The following SMG1 variants were observed in gnomAD, a reference collection of about 807,000 sequenced individuals.
SMG1 encodes SMG1 nonsense mediated mRNA decay associated PI3K related kinase.
A neutral mutation model predicts 419.9 loss-of-function variants in SMG1; 22 were observed. The observed-to-expected ratio is 0.05, with a 90% confidence interval of 0.04 to 0.07. The LOEUF (loss-of-function observed/expected upper bound fraction) is 0.07, where lower values mean the gene tolerates loss of function less well. Ranked by LOEUF, SMG1 falls within the 10% of genes least tolerant of loss-of-function variation. The pLI is 1.00. For synonymous variants in SMG1, 1,538 were observed against 1,553.5 expected, an observed-to-expected ratio of 0.99 and a Z score of 0.23; for missense variants, 3,185 against 4,342.0, an observed-to-expected ratio of 0.73 and a Z score of 7.49.
intron 42 of SMG1, 74 bp from the exon 43 acceptor site, chr16:18,838,763 T>A: frequency 3.1e-6 from 3 of 967,636 alleles, no homozygotes; most frequent in Non-Finnish European, 4.7e-6. Flanking sequence ...CGTGATACTA[T>A]AAAATTTACA....
Position 18,819,597 on chromosome 16 carries a change from C to T in SMG1, c.9799G>A (p.Ala3267Thr), listed in dbSNP as rs1393665465. ...IEQRLKWAGG[A>T]NPALAPVLQD... The stretch of plus-strand genomic sequence containing the variant: ...AGTACAGGGGCCAATGCAGGGTTGG[C>T]ACCACCTGCCCACTTGAGTCGCTGT... The change falls in exon 56 of 63, where the codon GCC (alanine) becomes ACC (threonine). Residue 3267 changes from alanine to threonine, a missense_variant. Around this residue, in one of 27 missense-constraint regions of SMG1, gnomAD observed 737 missense variants for 846.6 expected, o/e 0.87. Transcript: ENST00000446231. 1 of 1,595,184 alleles carries T rather than the reference C, an allele frequency of 6.3e-7. No individual in the cohort carries two copies. The highest frequency in any genetic ancestry group is 8.5e-7 in the Non-Finnish European group (1 of 1,170,272).
At position 18,849,874 on chromosome 16, in the gene SMG1, A is replaced by C. The variant is rs1034840595; in HGVS notation, c.5461+75T>G. On this transcript the variant is annotated intron_variant, in intron 35 of 62. Transcript: ENST00000446231. The stretch of plus-strand genomic sequence containing the variant: ...TTTACACATTCAAATAATAAACATA[A>C]GGAAACCACTTTTTGAAATCTTATA... The C allele has an allele frequency of 2.8e-6, 4 of 1,424,782 alleles. No individual in the cohort carries two copies. In the African/African-American group the frequency reaches 5.7e-5, roughly 20 times the overall value. 88.3% of individuals were successfully genotyped at this position (1,424,782 alleles called of 1,614,324 possible).
At chr16:18,886,329 G>C (rs539409792) in intron 6 of SMG1, among the ~76,000 whole-genome samples, 3 of 152,092 alleles carry the variant, frequency 2.0e-5, no homozygotes, top group South Asian at 2.1e-4. Flanking sequence ...TGCAGGCTCA[G>C]GTTACCATTA....
intron 23 of SMG1, among the ~76,000 whole-genome samples, chr16:18,865,257 A>G (rs559960658): frequency 5.3e-4 from 80 of 152,350 alleles, no homozygotes; most frequent in Admixed American, 1.4e-3. Flanking sequence ...ACTATTAGTC[A>G]TTAATAAATA....
intron 62 of SMG1, 71 bp downstream of exon 62, chr16:18,811,690 G>A: frequency 1.6e-6 from 2 of 1,263,958 alleles, no homozygotes; most frequent in African/African-American, 1.5e-5. Context: ...AAATCGATGA[G>A]AGGGATCTTT....
In SMG1 at chr16:18,896,107, G is replaced by T. The variant is rs12929100; in HGVS notation, c.357C>A (p.Thr119=). The T allele has an allele frequency of 0.36, 575,322 of 1,596,530 alleles. 107,732 individuals are homozygous for T. The highest frequency in any genetic ancestry group is 0.39 in the Non-Finnish European group (452,476 of 1,166,298). Residue 119 remains threonine (T), a synonymous_variant, in exon 3 of 63, where the codon ACC becomes ACA. Transcript: ENST00000446231. Reference sequence around the variant, plus strand: ...AAGCACGACTGCCATGCTGAACACTGGTGAACTCAGGGCTGGTCACATTGT... The same window carrying T: ...AAGCACGACTGCCATGCTGAACACTTGTGAACTCAGGGCTGGTCACATTGT... ...RVNNVTSPEF[T]SVQHGSRALA...
rs2034360624 is a variant in SMG1, at chr16:18,847,918, A to G, written c.5739T>C (p.Asp1913=). The stretch of plus-strand genomic sequence containing the variant: ...CTTCATTTAATCCACTTTTAGGTTC[A>G]TCCTTATTGCTATCCTGAGATGCAG... The part of the protein sequence containing the change: ...SPPASQDSNK[D]EPKSGLNEDQ... Residue 1913 remains aspartate, a synonymous_variant, in exon 37 of 63, where the codon GAT becomes GAC. Coordinates refer to ENST00000446231, the MANE Select transcript of SMG1 (RefSeq NM_015092.5). 6.2e-7 allele frequency: 1 copy of G among 1,614,018 alleles called. No individual in the cohort carries two copies. Among genetic ancestry groups the G allele is most frequent in the East Asian group, 2.2e-5 (1 of 44,872 alleles).
In SMG1 at chr16:18,809,078, T is replaced by G. The variant is rs1009398560; in HGVS notation, c.*491A>C. On this transcript the variant is annotated 3_prime_UTR_variant, in exon 63 of 63. Coordinates refer to ENST00000446231, the MANE Select transcript of SMG1 (RefSeq NM_015092.5). ...TTACTGGTCAACCCAACCAGTACTG[T>G]TGCCAAGCAACAAGTGTTACACGAG... 1.9e-5 allele frequency: 3 copies of G among 160,136 alleles called. No individual in the cohort carries two copies. The highest frequency in any genetic ancestry group is 2.8e-5 in the Non-Finnish European group (2 of 72,186). 9.9% of individuals were successfully genotyped at this position (160,136 alleles called of 1,614,324 possible). A position where few individuals can be genotyped will look rare whatever the true frequency, so the allele number is the denominator to read the frequency against.
At chr16:18,875,188 A>G (rs1157576573) in intron 13 of SMG1, 7 of 152,488 alleles carry the variant, frequency 4.6e-5, no homozygotes, top group Admixed American at 4.6e-4. Flanking sequence ...CAGGTGTGGG[A>G]TTTTCCACTT....
chr16:18,837,164 CAAT>C (rs2033629588), intron 46 of SMG1, 86 bp downstream of exon 46: 2 of 1,189,070 alleles, frequency 1.7e-6, no homozygotes, highest in Non-Finnish European at 2.3e-6. Context: ...TGATTTGTTA[CAAT>C]AATTCTAATC....
At position 18,870,804 on chromosome 16, in the gene SMG1, T is replaced by C; in HGVS notation, c.2387A>G (p.Gln796Arg). ...LSSSLPDDLLQRCVDVCRVQL... is the reference protein window; with the variant it reads ...LSSSLPDDLLRRCVDVCRVQL... ...AGACATGATCTTAATTTCATACCTC[T>C]GTAAAAGATCATCTGGCAAGGAAGA... The change falls in exon 17 of 63, where the codon CAG becomes CGG. Residue 796 changes from glutamine to arginine, a missense_variant. Physicochemically the swap from Gln to Arg is conservative, Grantham distance 43. Coordinates refer to ENST00000446231, the MANE Select transcript of SMG1 (RefSeq NM_015092.5). The C allele has an allele frequency of 6.4e-7, 1 of 1,571,144 alleles. No individual in the cohort carries two copies. Among genetic ancestry groups the C allele is most frequent in the Non-Finnish European group, 8.7e-7 (1 of 1,155,462 alleles).
chr16:18,848,795 G>A (rs960239447), intron 36 of SMG1, among the ~76,000 whole-genome samples: 9 of 151,706 alleles, frequency 5.9e-5, no homozygotes, highest in East Asian at 1.9e-4. Flanking sequence ...ACCTACAGCC[G>A]GGCACGGTGG....
At chr16:18,880,951 C>G (rs529317939) in intron 10 of SMG1, among the ~76,000 whole-genome samples, 1 of 146,048 alleles carries the variant, frequency 6.8e-6, no homozygotes, top group South Asian at 2.2e-4. Flanking sequence ...GTGATGGCAC[C>G]ACCCCACTTT....
In SMG1 at chr16:18,836,400, A is replaced by G. The variant is rs778643210; in HGVS notation, c.7737T>C (p.Leu2579=). Residue 2579 remains leucine (L), a synonymous_variant, in exon 47 of 63, where the codon CTT becomes CTC. Coordinates refer to ENST00000446231, the MANE Select transcript of SMG1 (RefSeq NM_015092.5). ...AAFNNLEATQ[L]ASLLQEISTQ... ...TGCTTATCTCTTGAAGCAAGCTTGC[A>G]AGCTGTGTTGCTTCTAAATTATTGA... is the stretch of plus-strand genomic sequence containing the variant. The G allele has an allele frequency of 1.9e-6, 3 of 1,614,004 alleles. No individual in the cohort carries two copies. The highest frequency in any genetic ancestry group is 2.5e-6 in the Non-Finnish European group (3 of 1,179,876).
chr16:18,816,849 G>A (rs2032045238), intron 57 of SMG1, among the ~76,000 whole-genome samples: 1 of 152,206 alleles, frequency 6.6e-6, no homozygotes, highest in Non-Finnish European at 1.5e-5. Flanking sequence ...GAGATGAAAT[G>A]TGAACTTCCT....
At position 18,872,721 on chromosome 16, in the gene SMG1, T is replaced by A. The variant is rs1284184044; in HGVS notation, c.1891-97A>T. ...CAAAATAGGGGTATCTGGACATTTTTAAATTAAAATTACAGACTGCAAGGG... is the reference window on the plus strand; with the variant it reads ...CAAAATAGGGGTATCTGGACATTTTAAAATTAAAATTACAGACTGCAAGGG... On this transcript the variant is annotated intron_variant, in intron 13 of 62. Coordinates refer to ENST00000446231, the MANE Select transcript of SMG1 (RefSeq NM_015092.5). 5 of 1,109,088 alleles carry A rather than the reference T, an allele frequency of 4.5e-6. No individual in the cohort carries two copies. The Admixed American group carries it at 1.3e-4, about 30-fold the overall frequency. 68.7% of individuals were successfully genotyped at this position (1,109,088 alleles called of 1,614,324 possible). A position where few individuals can be genotyped will look rare whatever the true frequency, so the allele number is the denominator to read the frequency against.
At chr16:18,850,161 A>C (rs2034508457) in intron 34 of SMG1, 35 bp from the exon 35 acceptor site, 3 of 1,600,402 alleles carry the variant, frequency 1.9e-6, no homozygotes, top group Non-Finnish European at 2.6e-6. Flanking sequence ...AAATAAGAAA[A>C]TAACTCAGAA....
At chr16:18,838,827 T>G in intron 42 of SMG1, 138 bp from the exon 43 acceptor site, 1 of 646,364 alleles carries the variant, frequency 1.5e-6, no homozygotes, top group Non-Finnish European at 2.6e-6. Flanking sequence ...ATAAAAAGCA[T>G]TCCTCAAGGT....
intron 36 of SMG1, among the ~76,000 whole-genome samples, chr16:18,848,292 G>A (rs533982428): frequency 6.6e-6 from 1 of 150,722 alleles, no homozygotes; most frequent in East Asian, 1.9e-4. Flanking sequence ...TATTCTTCAA[G>A]CCAGAGTTCA....
Sources: allele counts gnomAD v4.1 joint callset (sites outside exome capture counted in the v4.1 genomes callset), GRCh38; gene constraint gnomAD v4.1.1; regional missense constraint gnomAD v4.1.1; transcripts MANE v1.5; gene names NCBI Gene and HGNC (gene_info 2026-07-23, HGNC 2026-07-21).